Variants in SLC22A6 observed in about 807,000 individuals in gnomAD.
The protein encoded by SLC22A6 is solute carrier family 22 member 6.
In SLC22A6, 45 loss-of-function variants were observed where a neutral mutation model predicts 56.7. The observed-to-expected ratio is 0.79, with a 90% confidence interval of 0.63 to 1.02. The LOEUF is 1.02. SLC22A6 is among the 50% of genes least tolerant of loss of function. The pLI, the probability that SLC22A6 is intolerant of heterozygous loss-of-function variation, is 0.00. For missense variants in SLC22A6, 606 were observed against 713.8 expected (o/e 0.85, Z 1.72); for synonymous variants, 291 against 295.9 (o/e 0.98, Z 0.17).
Position 62,979,483 on chromosome 11 carries a change from C to G in SLC22A6, c.1361+5G>C. On this transcript the variant is annotated splice_donor_5th_base_variant and intron_variant, in intron 8 of 9. Transcript: ENST00000360421. ...CTGTCATTCTCCCATTAGGCTCCCA[C>G]TCACCGGATCATTGTGGGATACAGT... The G allele has an allele frequency of 6.4e-7, 1 of 1,569,002 alleles. No homozygotes were observed. Among genetic ancestry groups the G allele is most frequent in the Non-Finnish European group, 8.8e-7 (1 of 1,138,966 alleles).
At chr11:62,984,248 ACT>A in intron 1 of SLC22A6, 72 bp downstream of exon 1, 1 of 1,230,602 alleles carries the variant, frequency 8.1e-7, no homozygotes, top group Non-Finnish European at 1.1e-6. Flanking sequence ...TTCTCCATGT[ACT>A]TTTTTTTTTT....
chr11:62,981,070 T>G lies in SLC22A6; in HGVS notation c.952A>C (p.Thr318Pro). 1 of 1,612,592 alleles carries G rather than the reference T, an allele frequency of 6.2e-7. No homozygotes were observed. Residue 318 changes from threonine to proline, a missense_variant, in exon 6 of 10, where the codon ACC becomes CCC. By Grantham distance (38) the Thr-to-Pro change is conservative. Coordinates refer to ENST00000360421, the MANE Select transcript of SLC22A6 (RefSeq NM_153276.3). The stretch of plus-strand genomic sequence containing the variant: ...GCCGATGCCTGGCCTTTGCCCATGG[T>G]CAGCTCCTTCTGCAGACTGGCCCGG... The part of the protein sequence containing the change: ...VLRASLQKEL[T>P]MGKGQASAME...
At position 62,984,484 on chromosome 11, in the gene SLC22A6, C is replaced by A. The variant is rs747469499; in HGVS notation, c.207G>T (p.Arg69=). ...AGGACTCAGGCTGCCCCTGCCTGTC[C>A]CGGGGCAGCCAGACCTCCAGCCCCC... The part of the protein sequence containing the change: ...KNGGLEVWLP[R]DRQGQPESCL... Residue 69 remains arginine, a synonymous_variant, in exon 1 of 10, where the codon CGG becomes CGT. Transcript: ENST00000360421. The A allele has an allele frequency of 6.2e-7, 1 of 1,613,930 alleles. No individual in the cohort carries two copies. The highest frequency in any genetic ancestry group is 1.1e-5 in the South Asian group (1 of 91,070).
chr11:62,983,904 C>T lies in SLC22A6; in HGVS notation c.473+40G>A. 2 of 1,448,478 alleles carry T rather than the reference C, an allele frequency of 1.4e-6. No individual in the cohort carries two copies. The highest frequency in any genetic ancestry group is 1.9e-6 in the Non-Finnish European group (2 of 1,041,484). 89.7% of individuals were successfully genotyped at this position (1,448,478 alleles called of 1,614,324 possible). A position where few individuals can be genotyped will look rare whatever the true frequency, so the allele number is the denominator to read the frequency against. The stretch of plus-strand genomic sequence containing the variant: ...CCCTGAGCCCAGCTGAGCCCCTAAT[C>T]CCAGCCCAGCCCAGCCCCTTGACCC... On this transcript the variant is annotated intron_variant, in intron 2 of 9. Transcript: ENST00000360421. The surrounding 1 kb of genome is among the most constrained non-coding windows in gnomAD (Gnocchi z 4.5).
Position 62,981,330 on chromosome 11 carries a change from G to T in SLC22A6, c.851C>A (p.Thr284Asn). The T allele has an allele frequency of 6.2e-7, 1 of 1,601,604 alleles. No homozygotes were observed. The highest frequency in any genetic ancestry group is 1.1e-5 in the South Asian group (1 of 88,792). The change falls in exon 5 of 10, where the codon ACC becomes AAC. Residue 284 changes from threonine to asparagine, a missense_variant. Coordinates refer to ENST00000360421, the MANE Select transcript of SLC22A6 (RefSeq NM_153276.3). The stretch of plus-strand genomic sequence containing the variant: ...GGCGACTCTCTGCAGGGCCCTCAGG[G>T]TGAGGTCCAGCCTCCCGGAGGAGGA... The part of the protein sequence containing the change: ...WHSSSGRLDL[T>N]LRALQRVARI...
In SLC22A6 at chr11:62,979,929, A is replaced by T; in HGVS notation, c.1057T>A (p.Tyr353Asn). The change falls in exon 7 of 10, where the codon TAC becomes AAC. Residue 353 changes from tyrosine to asparagine, a missense_variant. Coordinates refer to ENST00000360421, the MANE Select transcript of SLC22A6 (RefSeq NM_153276.3). ...TGCAGGTCCATGACCAGCCCATAGT[A>T]TGCAAAGCTAGTGGCAAACCTAGCA... ...SMLWFATSFAYYGLVMDLQGF... is the reference protein window; with the variant it reads ...SMLWFATSFANYGLVMDLQGF... The T allele has an allele frequency of 6.2e-7, 1 of 1,613,976 alleles. No homozygotes were observed. Among genetic ancestry groups the T allele is most frequent in the Non-Finnish European group, 8.5e-7 (1 of 1,179,824 alleles).
Position 62,977,278 on chromosome 11 carries a change from C to CT in SLC22A6, c.1470_1471insA (p.Gly491ArgfsTer?). On this transcript the variant is annotated frameshift_variant, in exon 9 of 10. Transcript: ENST00000360421. LOFTEE classifies it high-confidence loss of function. The stretch of plus-strand genomic sequence containing the variant: ...GCGCTGGCGGCCACAGGAACAGCAC[C>CT]GTAGATGAAGAGAGGCATGGAGGGG... 1 of 1,614,094 alleles carries CT rather than the reference C, an allele frequency of 6.2e-7. No individual in the cohort carries two copies.
rs768920898 is a variant in SLC22A6, at chr11:62,976,823, C to T, written c.1624G>A (p.Ala542Thr). 40 of 1,613,910 alleles carry T rather than the reference C, an allele frequency of 2.5e-5. No individual in the cohort carries two copies. In the Middle Eastern group the frequency reaches 1.2e-3, roughly 46 times the overall value. The change falls in exon 10 of 10, where the codon GCC becomes ACC. Residue 542 changes from alanine to threonine, a missense_variant. Coordinates refer to ENST00000360421, the MANE Select transcript of SLC22A6 (RefSeq NM_153276.3). ...AGTCCATTCTTCTCTTGTGCTGAGG[C>T]CTGCAGTGGGACCATATACTTCTGG... ...EHQKYMVPLQ[A>T]SAQEKNGL
chr11:62,984,194 C>T (rs574788059), intron 1 of SLC22A6, 128 bp downstream of exon 1: 44 of 1,308,996 alleles, frequency 3.4e-5, no homozygotes, highest in Non-Finnish European at 4.5e-5. Flanking sequence ...CAGCTGAGAG[C>T]ATTTTTCTTT....
Position 62,976,716 on chromosome 11 carries a change from CCTCCTCCTT to C in SLC22A6, c.*69_*77del. 1 of 1,242,718 alleles carries C rather than the reference CCTCCTCCTT, an allele frequency of 8.0e-7. No homozygotes were observed. Among genetic ancestry groups the C allele is most frequent in the Non-Finnish European group, 1.1e-6 (1 of 879,848 alleles). 77.0% of individuals were successfully genotyped at this position (1,242,718 alleles called of 1,614,324 possible). On this transcript the variant is annotated 3_prime_UTR_variant, in exon 10 of 10. Transcript: ENST00000360421. The stretch of plus-strand genomic sequence containing the variant: ...CACACTTGGGTCACCATTTCCTCTT[CCTCCTCCTT>C]GTGTGGGTGGCCGGAGACCTGTAGG...
At chr11:62,984,207 AACTC>A (rs1437046820) in intron 1 of SLC22A6, 111 bp downstream of exon 1, 16 of 1,375,296 alleles carry the variant, frequency 1.2e-5, no homozygotes, top group Non-Finnish European at 1.6e-5. Context: ...TTTTCTTTTT[AACTC>A]AGCAGTTAAA....
At position 62,983,202 on chromosome 11, in the gene SLC22A6, A is replaced by G. The variant is rs946172041; in HGVS notation, c.628+335T>C. On this transcript the variant is annotated intron_variant, in intron 3 of 9. Coordinates refer to ENST00000360421, the MANE Select transcript of SLC22A6 (RefSeq NM_153276.3). This position sits in a 1 kb window ranked among gnomAD's most constrained non-coding sequence, Gnocchi z 4.5. ...TGGGACTACAGGCGCCTGCCATCAC[A>G]CCTGGCTAATTTTTTGTATTTTTAG... 1.3e-5 allele frequency among the ~76,000 whole-genome samples: 2 copies of G among 151,690 alleles called. No individual in the cohort carries two copies. The highest frequency in any genetic ancestry group is 4.8e-5 in the African/African-American group (2 of 41,260).
In SLC22A6 at chr11:62,979,965, A is replaced by G; in HGVS notation, c.1038-17T>C. ...GTGGCAAACCTAGCAGAGAGAAGAG[A>G]GGAGTATGGAGTTTGTTAGGAAGGC... On this transcript the variant is annotated splice_polypyrimidine_tract_variant and intron_variant, in intron 6 of 9. Transcript: ENST00000360421. 1.3e-6 allele frequency: 2 copies of G among 1,592,916 alleles called. No individual in the cohort carries two copies. Among genetic ancestry groups the G allele is most frequent in the Non-Finnish European group, 1.7e-6 (2 of 1,160,786 alleles).
At position 62,983,474 on chromosome 11, in the gene SLC22A6, A is replaced by G. The variant is rs2135100567; in HGVS notation, c.628+63T>C. ...CTCAGGAGGGGCAGGCTGGGAGGGG[A>G]GGCTGGAAAGGGGTTGCTGGGCTGG... On this transcript the variant is annotated intron_variant, in intron 3 of 9. Coordinates refer to ENST00000360421, the MANE Select transcript of SLC22A6 (RefSeq NM_153276.3). The surrounding 1 kb of genome is among the most constrained non-coding windows in gnomAD (Gnocchi z 4.5). The G allele has an allele frequency of 6.6e-7, 1 of 1,513,714 alleles. No individual in the cohort carries two copies. Among genetic ancestry groups the G allele is most frequent in the Non-Finnish European group, 8.9e-7 (1 of 1,121,060 alleles). 93.8% of individuals were successfully genotyped at this position (1,513,714 alleles called of 1,614,324 possible). A position where few individuals can be genotyped will look rare whatever the true frequency, so the allele number is the denominator to read the frequency against.
chr11:62,979,873 C>G lies in SLC22A6; in HGVS notation c.1113G>C (p.Gln371His). The change falls in exon 7 of 10, where the codon CAG (glutamine) becomes CAC (histidine). Residue 371 changes from glutamine (Q) to histidine (H), a missense_variant. Transcript: ENST00000360421. The stretch of plus-strand genomic sequence containing the variant: ...GCAGGTCCACAGCACCAAAGATCAC[C>G]TGGATTAGGTAGATGCTGACTCCAA... Reference protein sequence around the residue: ...QGFGVSIYLIQVIFGAVDLPA... With the variant: ...QGFGVSIYLIHVIFGAVDLPA... 1 of 1,614,188 alleles carries G rather than the reference C, an allele frequency of 6.2e-7. No homozygotes were observed. The highest frequency in any genetic ancestry group is 1.3e-5 in the African/African-American group (1 of 75,034).
intron 4 of SLC22A6, among the ~76,000 whole-genome samples, chr11:62,981,637 G>A (rs1385207642): frequency 6.6e-6 from 1 of 152,158 alleles, no homozygotes; most frequent in Non-Finnish European, 1.5e-5. Flanking sequence ...GAACGGAGTG[G>A]GGGAAGCCAG....
Position 62,983,724 on chromosome 11 carries a change from C to A in SLC22A6, c.474-33G>T. ...AGGAGGGGAGACTTGTAGCAGGGCC[C>A]TGGAGACTGATGGGGGTCAGGCTGA... is the stretch of plus-strand genomic sequence containing the variant. On this transcript the variant is annotated intron_variant, in intron 2 of 9. Coordinates refer to ENST00000360421, the MANE Select transcript of SLC22A6 (RefSeq NM_153276.3). The surrounding 1 kb of genome is among the most constrained non-coding windows in gnomAD (Gnocchi z 4.5). The A allele has an allele frequency of 1.9e-6, 3 of 1,585,210 alleles. No homozygotes were observed. The highest frequency in any genetic ancestry group is 2.6e-6 in the Non-Finnish European group (3 of 1,165,948).
Position 62,983,174 on chromosome 11 carries a change from A to G in SLC22A6, c.628+363T>C, listed in dbSNP as rs2086274357. ...ATTCTCCTGCCTCAGCCTCCCGAGT[A>G]GCTGGGACTACAGGCGCCTGCCATC... On this transcript the variant is annotated intron_variant, in intron 3 of 9. Transcript: ENST00000360421. This position sits in a 1 kb window ranked among gnomAD's most constrained non-coding sequence, Gnocchi z 4.5. 6.6e-6 allele frequency among the ~76,000 whole-genome samples: 1 copy of G among 151,952 alleles called. No homozygotes were observed. Among genetic ancestry groups the G allele is most frequent in the African/African-American group, 2.4e-5 (1 of 41,384 alleles).
intron 3 of SLC22A6, among the ~76,000 whole-genome samples, chr11:62,982,306 T>A (rs1007337769): frequency 1.3e-5 from 2 of 152,088 alleles, no homozygotes; most frequent in Admixed American, 6.5e-5. Flanking sequence ...CTCTGGCCAC[T>A]TGGTCTGTCT....
Sources: gnomAD v4.1 joint callset for allele counts (sites outside exome capture counted in the v4.1 genomes callset) on GRCh38, gnomAD v4.1.1 for gene constraint, Gnocchi (gnomAD v3.1) non-coding constraint, MANE v1.5 for transcripts, NCBI Gene and HGNC (gene_info 2026-07-23, HGNC 2026-07-21) for gene names.